EVA1A: variants seen among roughly 807,000 people sequenced by gnomAD.
The protein encoded by EVA1A is protein eva-1 homolog A.
Under a neutral mutation model 9.8 loss-of-function variants are expected in EVA1A, and 7 were observed. That is an observed-to-expected ratio of 0.71 (90% confidence interval 0.41 to 1.34). The LOEUF is 1.34. Among genes scored for constraint, EVA1A ranks in the 40% most tolerant of loss-of-function variants. EVA1A has a pLI of 0.01. For missense variants in EVA1A, 206 were observed against 205.9 expected (o/e 1.00, Z 0.00); for synonymous variants, 90 against 85.6 (o/e 1.05, Z -0.28).
At chr2:75,560,469 G>A (rs920940931) in intron 1 of EVA1A, among the ~76,000 whole-genome samples, 29 of 152,194 alleles carry the variant, frequency 1.9e-4, no homozygotes, top group Non-Finnish European at 3.2e-4. Context: ...AAAGTGGGAG[G>A]AAGAGGAGGC....
chr2:75,555,087 TAGAAGGA>T (rs1676656827), intron 1 of EVA1A, among the ~76,000 whole-genome samples: 1 of 152,168 alleles, frequency 6.6e-6, no homozygotes. Flanking sequence ...GGATGACCTA[TAGAAGGA>T]CCTACATCAA....
intron 1 of EVA1A, chr2:75,525,987 C>G (rs1257086788): frequency 6.6e-6 from 1 of 152,226 alleles, no homozygotes; most frequent in African/African-American, 2.4e-5. Context: ...TATCCCAAGG[C>G]AGAGCTTGCT....
At chr2:75,530,559 C>T (rs1210709161) in intron 1 of EVA1A, among the ~76,000 whole-genome samples, 1 of 152,086 alleles carries the variant, frequency 6.6e-6, no homozygotes. Context: ...CCACCATGAT[C>T]AAGTGGGTTT....
intron 1 of EVA1A, among the ~76,000 whole-genome samples, chr2:75,548,048 T>C (rs975697532): frequency 2.0e-5 from 3 of 152,222 alleles, no homozygotes; most frequent in African/African-American, 7.2e-5. Flanking sequence ...CCTGGGTAAG[T>C]TGCCATTCCC....
At chr2:75,515,733 T>C (rs1295258558) in intron 3 of EVA1A, among the ~76,000 whole-genome samples, 1 of 152,206 alleles carries the variant, frequency 6.6e-6, no homozygotes, top group Non-Finnish European at 1.5e-5. Flanking sequence ...TTCCAATAAA[T>C]GATCTTGAGA....
intron 1 of EVA1A, among the ~76,000 whole-genome samples, chr2:75,550,377 G>A (rs1676479580): frequency 6.6e-6 from 1 of 152,052 alleles, no homozygotes; most frequent in African/African-American, 2.4e-5. Flanking sequence ...TCCAAAGCTG[G>A]TGTCTCCTCC....
chr2:75,508,547 G>A (rs1197978501), intron 3 of EVA1A, among the ~76,000 whole-genome samples: 1 of 152,104 alleles, frequency 6.6e-6, no homozygotes, highest in Non-Finnish European at 1.5e-5. Flanking sequence ...TGTTATCAAT[G>A]ACAATGGTAC....
chr2:75,512,732 T>C (rs1032879239), intron 3 of EVA1A, among the ~76,000 whole-genome samples: 1 of 152,170 alleles, frequency 6.6e-6, no homozygotes, highest in African/African-American at 2.4e-5. Flanking sequence ...ACCTCAGAAC[T>C]ATTGATGTCT....
chr2:75,563,676 T>C (rs1676966832), upstream of EVA1A, among the ~76,000 whole-genome samples: 1 of 152,244 alleles, frequency 6.6e-6, no homozygotes, highest in African/African-American at 2.4e-5. Context: ...GTTTCTTAAG[T>C]ATACATTCTA....
intron 1 of EVA1A, among the ~76,000 whole-genome samples, chr2:75,558,259 T>G (rs1406527895): frequency 6.6e-6 from 1 of 152,254 alleles, no homozygotes; most frequent in Non-Finnish European, 1.5e-5. Context: ...GTCATACTAG[T>G]CTGCAGAGAA....
chr2:75,535,789 G>T (rs752331387), intron 1 of EVA1A, among the ~76,000 whole-genome samples: 51 of 152,134 alleles, frequency 3.4e-4, no homozygotes, highest in Non-Finnish European at 4.3e-4. Context: ...ATGGGGAAGG[G>T]TAGAGGGAGT....
At chr2:75,494,004 C>T (rs1390950645) in intron 3 of EVA1A, among the ~76,000 whole-genome samples, 1 of 152,190 alleles carries the variant, frequency 6.6e-6, no homozygotes, top group Non-Finnish European at 1.5e-5. Context: ...TTTGCTCATA[C>T]ACCCCCACTG....
intron 3 of EVA1A, among the ~76,000 whole-genome samples, chr2:75,516,678 C>G (rs531198691): frequency 6.6e-6 from 1 of 152,182 alleles, no homozygotes; most frequent in Non-Finnish European, 1.5e-5. Context: ...TGCTCTCATG[C>G]GAGACATATT....
intron 3 of EVA1A, among the ~76,000 whole-genome samples, chr2:75,511,621 G>A (rs2103823259): frequency 6.6e-6 from 1 of 152,244 alleles, no homozygotes; most frequent in South Asian, 2.1e-4. Flanking sequence ...AAGAACTCTG[G>A]AAGGATGCAT....
rs1249761511 is a variant in EVA1A at position 75,530,962 on chromosome 2, G to T, written c.-191-8475C>A. ...AAATTGGTAAAGAGGAAGTCAAATG[G>T]TCACTGTTTGATGATGATGTTATCA... On this transcript the variant is annotated intron_variant, in intron 1 of 3. Coordinates refer to ENST00000393913, the MANE Select transcript of EVA1A (RefSeq NM_001135032.2). Among the ~76,000 whole-genome samples the T allele has an allele frequency of 2.6e-5, 4 of 152,256 alleles. No homozygotes were observed. In the East Asian group the frequency reaches 7.7e-4, roughly 29 times the overall value.
At chr2:75,565,944 G>T (rs1356121329) in intron 1 of EVA1A, among the ~76,000 whole-genome samples, 1 of 152,156 alleles carries the variant, frequency 6.6e-6, no homozygotes, top group Non-Finnish European at 1.5e-5. Flanking sequence ...TAAAATGTTA[G>T]TTTGGAGAAA....
chr2:75,523,612 A>C (rs1299781369), intron 1 of EVA1A, among the ~76,000 whole-genome samples: 2 of 152,098 alleles, frequency 1.3e-5, no homozygotes, highest in African/African-American at 4.8e-5. Flanking sequence ...CTGCCCCATC[A>C]ACCTTCCCCT....
chr2:75,495,671 C>T (rs974866427), intron 3 of EVA1A, among the ~76,000 whole-genome samples: 16 of 152,104 alleles, frequency 1.1e-4, no homozygotes, highest in Non-Finnish European at 2.2e-4. Flanking sequence ...GTAGAGTGTA[C>T]ACTGCTCTGG....
chr2:75,510,855 T>C (rs1247017332), intron 3 of EVA1A, among the ~76,000 whole-genome samples: 2 of 152,212 alleles, frequency 1.3e-5, no homozygotes, highest in Non-Finnish European at 2.9e-5. Context: ...CTTCAACATA[T>C]GAAAAATGGG....
Sources: gnomAD v4.1 joint callset for allele counts (sites outside exome capture counted in the v4.1 genomes callset) on GRCh38, gnomAD v4.1.1 for gene constraint, MANE v1.5 for transcripts, NCBI Gene and HGNC (gene_info 2026-07-23, HGNC 2026-07-21) for gene names.